Variants in LPA observed in about 807,000 individuals in gnomAD.
LPA encodes lipoprotein(a).
A neutral mutation model predicts 197.9 loss-of-function variants in LPA; 199 were observed. That is an observed-to-expected ratio of 1.01 (90% CI 0.90 to 1.13). LPA has a LOEUF of 1.13. Ranked by LOEUF, LPA falls within the 50% of genes most tolerant of loss-of-function variation. The pLI, the probability that LPA is intolerant of heterozygous loss-of-function variation, is 0.00. For missense variants in LPA, 1,853 were observed against 1,785.8 expected (o/e 1.04, Z -0.68); for synonymous variants, 715 against 639.5 (o/e 1.12, Z -1.78).
At chr6:160,598,357 C>A (rs1349521875) in intron 20 of LPA, among the ~76,000 whole-genome samples, 2 of 152,182 alleles carry the variant, frequency 1.3e-5, no homozygotes, top group East Asian at 3.9e-4. Flanking sequence ...TCCTAACTAC[C>A]TGAGTAATCC....
intron 4 of LPA, among the ~76,000 whole-genome samples, chr6:160,643,083 A>AATTTCT (rs1332336973): frequency 9.9e-5 from 13 of 131,070 alleles, no homozygotes; most frequent in African/African-American, 3.6e-4. Flanking sequence ...GTGTGTTTTC[A>AATTTCT]GTGTGTGTGT....
intron 2 of LPA, among the ~76,000 whole-genome samples, chr6:160,647,618 G>T (rs1779921991): frequency 6.6e-6 from 1 of 152,006 alleles, no homozygotes; most frequent in Non-Finnish European, 1.5e-5. Context: ...ACAAACCTCA[G>T]AGTTAAAAAC....
chr6:160,592,842 C>T (rs1398760078), intron 22 of LPA, among the ~76,000 whole-genome samples: 2 of 152,094 alleles, frequency 1.3e-5, no homozygotes, highest in East Asian at 1.9e-4. Flanking sequence ...CTACTGAATG[C>T]CCAAGATGTT....
intron 28 of LPA, among the ~76,000 whole-genome samples, chr6:160,571,596 C>T (rs1230109444): frequency 6.6e-6 from 1 of 152,214 alleles, no homozygotes; most frequent in Non-Finnish European, 1.5e-5. Flanking sequence ...TCTAGAGAGG[C>T]ACTCTTGCTA....
At chr6:160,596,756 AC>A (rs1779141195) in intron 20 of LPA, among the ~76,000 whole-genome samples, 3 of 152,210 alleles carry the variant, frequency 2.0e-5, no homozygotes, top group Admixed American at 6.5e-5. Flanking sequence ...TCTCTAGACT[AC>A]ACTTTGAGAA....
intron 17 of LPA, 87 bp downstream of exon 17, chr6:160,606,390 C>A (rs1779351402): frequency 6.5e-7 from 1 of 1,536,746 alleles, no homozygotes; most frequent in South Asian, 1.1e-5. Context: ...ATCCGTTTAC[C>A]ATTGGAGGCT....
rs2115061170 is a variant in LPA, at chr6:160,606,512, G to T, written c.2750C>A (p.Thr917Asn). 1.2e-6 allele frequency: 2 copies of T among 1,613,612 alleles called. No individual in the cohort carries two copies. Among genetic ancestry groups the T allele is most frequent in the East Asian group, 2.2e-5 (1 of 44,866 alleles). ...EGTAVAPPTI[T>N]PIPSLEAPSE... ...AGGAGCCTCTAGGCTTGGAATCGGG[G>T]TAATAGTTGGAGGCGCGACGGCAGT... Residue 917 changes from threonine to asparagine, a missense_variant, in exon 17 of 39, where the codon ACC becomes AAC. Thr to Asn is a moderately conservative substitution (Grantham distance 65, BLOSUM62 0). Transcript: ENST00000316300.
chr6:160,654,100 T>C, intron 1 of LPA, among the ~76,000 whole-genome samples: 1 of 67,966 alleles, frequency 1.5e-5, no homozygotes, highest in Non-Finnish European at 2.7e-5. Context: ...TTATATATAA[T>C]ATAATATATT....
chr6:160,598,401 T>C (rs1014539751), intron 20 of LPA, among the ~76,000 whole-genome samples: 1 of 152,190 alleles, frequency 6.6e-6, no homozygotes, highest in African/African-American at 2.4e-5. Context: ...TTCAGCAACA[T>C]GGCTACAGTC....
intron 26 of LPA, among the ~76,000 whole-genome samples, chr6:160,580,700 T>A (rs1317173434): frequency 6.6e-6 from 1 of 152,210 alleles, no homozygotes; most frequent in African/African-American, 2.4e-5. Flanking sequence ...GTTGGCTCTG[T>A]GTGCATCTTC....
chr6:160,592,331 C>T (rs975060752), intron 22 of LPA, among the ~76,000 whole-genome samples: 4 of 152,200 alleles, frequency 2.6e-5, no homozygotes, highest in Non-Finnish European at 5.9e-5. Flanking sequence ...GGTTATAAGG[C>T]CATCCAGTGA....
At chr6:160,535,554 G>A (rs1387683791) in intron 37 of LPA, among the ~76,000 whole-genome samples, 1 of 151,934 alleles carries the variant, frequency 6.6e-6, no homozygotes, top group Admixed American at 6.6e-5. Flanking sequence ...GGTAGTAGTG[G>A]TAGTGGTAGT....
chr6:160,542,626 A>G, intron 34 of LPA, 62 bp downstream of exon 34: 1 of 1,609,220 alleles, frequency 6.2e-7, no homozygotes. Context: ...GTGTAAATGT[A>G]GAAGGGTTTT....
intron 28 of LPA, among the ~76,000 whole-genome samples, 195 bp from the exon 29 acceptor site, chr6:160,557,766 T>C (rs539284456): frequency 1.1e-4 from 17 of 152,320 alleles, no homozygotes; most frequent in South Asian, 2.1e-4. Flanking sequence ...AGATAGATTA[T>C]AATTTTTATT....
At chr6:160,591,506 G>C (rs974195489) in intron 22 of LPA, among the ~76,000 whole-genome samples, 1 of 152,204 alleles carries the variant, frequency 6.6e-6, no homozygotes, top group Non-Finnish European at 1.5e-5. Flanking sequence ...TTCTATAGGA[G>C]TACCCAATCT....
At chr6:160,553,665 T>C (rs1778202168) in intron 30 of LPA, among the ~76,000 whole-genome samples, 1 of 152,232 alleles carries the variant, frequency 6.6e-6, no homozygotes, top group South Asian at 2.1e-4. Context: ...TTATCTATAA[T>C]GTACCCAAGT....
At position 160,594,079 on chromosome 6, in the gene LPA, G is replaced by A. The variant is rs1220966110; in HGVS notation, c.3508C>T (p.His1170Tyr). Reference sequence around the variant, plus strand: ...CCTCGATAACTCTGTCCATCACCATGGTAGCAATCCTGGACCCCGGGGCTT... The same window carrying A: ...CCTCGATAACTCTGTCCATCACCATAGTAGCAATCCTGGACCCCGGGGCTT... ...EQSPGVQDCY[H>Y]GDGQSYRGSF... Residue 1170 changes from histidine (H) to tyrosine (Y), a missense_variant, in exon 22 of 39, where the codon CAT becomes TAT. Physicochemically the swap from His to Tyr is moderately conservative, Grantham distance 83. Around this residue, in one of 3 missense-constraint regions of LPA, gnomAD observed 1,737 missense variants for 1,504.4 expected, o/e 1.15. Coordinates refer to ENST00000316300, the MANE Select transcript of LPA (RefSeq NM_005577.4). 3.1e-6 allele frequency: 5 copies of A among 1,613,900 alleles called. No homozygotes were observed. Among genetic ancestry groups the A allele is most frequent in the Non-Finnish European group, 4.2e-6 (5 of 1,179,852 alleles).
intron 1 of LPA, among the ~76,000 whole-genome samples, chr6:160,659,816 G>A (rs1252648380): frequency 6.6e-6 from 1 of 152,180 alleles, no homozygotes; most frequent in African/African-American, 2.4e-5. Flanking sequence ...GCTACACTGT[G>A]CTGGAGGTCC....
intron 1 of LPA, among the ~76,000 whole-genome samples, chr6:160,653,028 T>C (rs1379728633): frequency 6.6e-6 from 1 of 152,096 alleles, no homozygotes; most frequent in East Asian, 1.9e-4. Flanking sequence ...TAGATTTAAA[T>C]TTAATCCTAT....
Sources: gnomAD v4.1 joint callset for allele counts (sites outside exome capture counted in the v4.1 genomes callset) on GRCh38, gnomAD v4.1.1 for gene constraint, gnomAD v4.1.1 regional missense constraint, MANE v1.5 for transcripts, NCBI Gene and HGNC (gene_info 2026-07-23, HGNC 2026-07-21) for gene names.